Variants in RCAN2 observed in about 807,000 individuals in gnomAD.
RCAN2 encodes regulator of calcineurin 2, also known as calcipressin-2.
Under a neutral mutation model 23.6 loss-of-function variants are expected in RCAN2, and 9 were observed. The observed-to-expected ratio is 0.38, with a 90% CI of 0.23 to 0.67. RCAN2 has a LOEUF of 0.67. Among genes scored for constraint, RCAN2 ranks in the 30% least tolerant of loss-of-function variants. The pLI is 0.51. For synonymous variants in RCAN2, 109 were observed against 115.7 expected (o/e 0.94, Z 0.37); for missense variants, 273 against 302.3 (o/e 0.90, Z 0.72).
At chr6:46,296,620 CATT>C (rs1039059149) in intron 2 of RCAN2, among the ~76,000 whole-genome samples, 6 of 151,958 alleles carry the variant, frequency 3.9e-5, no homozygotes, top group Non-Finnish European at 8.8e-5. Context: ...AAAATTAAAT[CATT>C]AGGTAGGGAG....
intron 2 of RCAN2, among the ~76,000 whole-genome samples, chr6:46,253,214 T>C (rs1289351844): frequency 1.3e-5 from 2 of 152,228 alleles, no homozygotes; most frequent in South Asian, 4.1e-4. Flanking sequence ...TCTATCTTAT[T>C]CAAAAGCTGT....
At chr6:46,233,482 G>A (rs1023184481) in intron 4 of RCAN2, among the ~76,000 whole-genome samples, 4 of 152,070 alleles carry the variant, frequency 2.6e-5, no homozygotes, top group African/African-American at 9.7e-5. Flanking sequence ...GAGGAAAGGG[G>A]GATGGCCTCT....
At chr6:46,482,292 C>T (rs1351289335) in intron 1 of RCAN2, among the ~76,000 whole-genome samples, 2 of 151,952 alleles carry the variant, frequency 1.3e-5, no homozygotes, top group Non-Finnish European at 2.9e-5. Context: ...ATATATTCTG[C>T]CATCTGAATA....
chr6:46,222,979 T>C lies in RCAN2; in HGVS notation c.*162A>G, dbSNP rs1765525192. The stretch of plus-strand genomic sequence containing the variant: ...ATGGGTATGATATGATCAGGAGACA[T>C]ATCACCTTTTCCTAGCCCTTTTGTC... On this transcript the variant is annotated 3_prime_UTR_variant, in exon 5 of 5. Coordinates refer to ENST00000371374, the MANE Select transcript of RCAN2 (RefSeq NM_001251974.2). 3 of 689,864 alleles carry C rather than the reference T, an allele frequency of 4.3e-6. No individual in the cohort carries two copies. Among genetic ancestry groups the C allele is most frequent in the Non-Finnish European group, 7.5e-6 (3 of 398,730 alleles). 42.7% of individuals were successfully genotyped at this position (689,864 alleles called of 1,614,324 possible).
At chr6:46,286,675 G>A (rs1432301968) in intron 2 of RCAN2, among the ~76,000 whole-genome samples, 1 of 152,126 alleles carries the variant, frequency 6.6e-6, no homozygotes, top group African/African-American at 2.4e-5. Flanking sequence ...TTCTCTCTGT[G>A]GACTGAAGAA....
At chr6:46,285,795 A>G (rs1762357251) in intron 2 of RCAN2, among the ~76,000 whole-genome samples, 1 of 152,174 alleles carries the variant, frequency 6.6e-6, no homozygotes, top group Non-Finnish European at 1.5e-5. Context: ...TCTAGGGTGC[A>G]TGTGTAGGAT....
chr6:46,370,761 G>A (rs984873142), intron 2 of RCAN2, among the ~76,000 whole-genome samples: 2 of 152,190 alleles, frequency 1.3e-5, no homozygotes, highest in South Asian at 2.1e-4. Flanking sequence ...GAAGGGTTTC[G>A]TTCCCTGCTG....
intron 2 of RCAN2, among the ~76,000 whole-genome samples, chr6:46,317,444 T>C (rs1763475177): frequency 6.6e-6 from 1 of 152,106 alleles, no homozygotes; most frequent in African/African-American, 2.4e-5. Context: ...CCAATAACTT[T>C]TCTTTTATTT....
At chr6:46,265,245 C>T (rs188685642) in intron 2 of RCAN2, among the ~76,000 whole-genome samples, 3 of 152,176 alleles carry the variant, frequency 2.0e-5, no homozygotes, top group Non-Finnish European at 4.4e-5. Context: ...AAAATTGGAT[C>T]GTATTGATGA....
chr6:46,455,880 G>GAAAA (rs1768009930), intron 2 of RCAN2, among the ~76,000 whole-genome samples: 1 of 136,582 alleles, frequency 7.3e-6, no homozygotes, highest in Non-Finnish European at 1.6e-5. Flanking sequence ...AAGAAAGAAA[G>GAAAA]AAAGAAAAAG....
chr6:46,297,482 C>T (rs542239716), intron 2 of RCAN2, among the ~76,000 whole-genome samples: 2 of 152,106 alleles, frequency 1.3e-5, no homozygotes, highest in Non-Finnish European at 2.9e-5. Context: ...ACAACCACTG[C>T]ACAGTCCGGG....
chr6:46,410,313 A>G (rs529396053), intron 2 of RCAN2, among the ~76,000 whole-genome samples: 5 of 152,204 alleles, frequency 3.3e-5, no homozygotes, highest in African/African-American at 1.2e-4. Flanking sequence ...TCCTTAATAA[A>G]TCCCCACTCA....
chr6:46,456,046 G>A (rs1036787413), intron 2 of RCAN2, among the ~76,000 whole-genome samples: 11 of 152,138 alleles, frequency 7.2e-5, no homozygotes, highest in African/African-American at 2.4e-4. Context: ...AATAAACTTT[G>A]GAAAGGTCTC....
At chr6:46,409,546 C>A (rs975723610) in intron 2 of RCAN2, among the ~76,000 whole-genome samples, 2 of 152,144 alleles carry the variant, frequency 1.3e-5, no homozygotes, top group African/African-American at 4.8e-5. Flanking sequence ...CTGCAGTTTG[C>A]AACCATGAAA....
intron 2 of RCAN2, among the ~76,000 whole-genome samples, chr6:46,342,944 ATAAT>A (rs573377029): frequency 1.3e-5 from 2 of 152,296 alleles, no homozygotes; most frequent in African/African-American, 4.8e-5. Context: ...CTAAATATGT[ATAAT>A]TAGAGTCTTA....
In RCAN2 at chr6:46,313,807, G is replaced by T. The variant is rs142155326; in HGVS notation, c.226-64911C>A. On this transcript the variant is annotated intron_variant, in intron 2 of 4. Transcript: ENST00000371374. ...ATGAGGCAACATTCATTCAAAGTGA[G>T]TTCCAGTCTTCTGAGGCTACATAAA... 3.3e-3 allele frequency among the ~76,000 whole-genome samples: 502 copies of T among 152,278 alleles called. 6 individuals are homozygous for T. Among genetic ancestry groups the T allele is most frequent in the Admixed American group, 0.023 (353 of 15,290 alleles).
chr6:46,258,018 G>C (rs527334857), intron 2 of RCAN2, among the ~76,000 whole-genome samples: 26 of 152,270 alleles, frequency 1.7e-4, no homozygotes, highest in African/African-American at 6.3e-4. Flanking sequence ...GATGCTATAC[G>C]CTTTATATAT....
chr6:46,293,300 T>TATGA (rs1195995253), intron 2 of RCAN2, among the ~76,000 whole-genome samples: 1 of 152,224 alleles, frequency 6.6e-6, no homozygotes, highest in East Asian at 1.9e-4. Flanking sequence ...AACTACATGC[T>TATGA]ATGATAACTG....
intron 2 of RCAN2, among the ~76,000 whole-genome samples, chr6:46,330,954 T>C (rs1763948410): frequency 6.6e-6 from 1 of 152,234 alleles, no homozygotes; most frequent in Non-Finnish European, 1.5e-5. Context: ...CTATGTGTAC[T>C]TCTATCAGTG....
Sources: gnomAD v4.1 joint callset for allele counts (sites outside exome capture counted in the v4.1 genomes callset) on GRCh38, gnomAD v4.1.1 for gene constraint, MANE v1.5 for transcripts, NCBI Gene and HGNC (gene_info 2026-07-23, HGNC 2026-07-21) for gene names.